Variants in PHACTR1 observed in about 807,000 individuals in gnomAD.
The protein encoded by PHACTR1 is RPEL repeat containing 1.
In PHACTR1, 16 loss-of-function variants were observed where a neutral mutation model predicts 69.2. The observed-to-expected ratio is 0.23, with a 90% CI of 0.16 to 0.35. The LOEUF (loss-of-function observed/expected upper bound fraction) is 0.35. PHACTR1 is among the 10% of genes least tolerant of loss of function. The pLI, the probability that PHACTR1 is intolerant of heterozygous loss-of-function variation, is 1.00. For synonymous variants in PHACTR1, 312 were observed against 284.5 expected (o/e 1.10, Z -0.97); for missense variants, 510 against 734.7 (o/e 0.69, Z 3.54).
At chr6:12,730,969 A>G (rs964489085) in intron 3 of PHACTR1, among the ~76,000 whole-genome samples, 3 of 151,346 alleles carry the variant, frequency 2.0e-5, no homozygotes, top group Admixed American at 2.0e-4. Context: ...ATGGAATATT[A>G]TGCAGAATAT....
rs528660454 is a variant in PHACTR1 at position 13,162,936 on chromosome 6, C to A, written c.496+2652C>A. 4.9e-4 allele frequency among the ~76,000 whole-genome samples: 75 copies of A among 152,250 alleles called. 1 individual carries two copies. In the South Asian group the frequency reaches 0.015, roughly 31 times the overall value. ...TCCATCAGCACACATGGAGCTGACA[C>A]AGGACCTGCACTCAGTAAGTGGCTG... On this transcript the variant is annotated intron_variant, in intron 6 of 14. Coordinates refer to ENST00000332995, the MANE Select transcript of PHACTR1 (RefSeq NM_030948.6).
intron 5 of PHACTR1, among the ~76,000 whole-genome samples, chr6:13,078,333 T>C (rs1810862480): frequency 6.6e-6 from 1 of 152,178 alleles, no homozygotes; most frequent in African/African-American, 2.4e-5. Flanking sequence ...CAAATTTCCC[T>C]TTTTTGTAAA....
At chr6:13,087,709 G>A (rs1017860398) in intron 5 of PHACTR1, among the ~76,000 whole-genome samples, 2 of 151,372 alleles carry the variant, frequency 1.3e-5, no homozygotes, top group Admixed American at 1.3e-4. Flanking sequence ...GCAGTGGTGT[G>A]ATCACAGCTC....
intron 5 of PHACTR1, among the ~76,000 whole-genome samples, chr6:13,082,979 T>C (rs1191763575): frequency 6.6e-6 from 1 of 152,238 alleles, no homozygotes; most frequent in Admixed American, 6.5e-5. Context: ...TTGGCTTTTG[T>C]TGCCATTGCT....
chr6:12,937,172 CTG>C, intron 4 of PHACTR1, among the ~76,000 whole-genome samples: 1 of 152,278 alleles, frequency 6.6e-6, no homozygotes, highest in Admixed American at 6.5e-5. Context: ...AGCCACCTTT[CTG>C]TGTTAGGCTA....
chr6:12,933,225 G>A (rs1789061877), intron 4 of PHACTR1, among the ~76,000 whole-genome samples: 1 of 152,112 alleles, frequency 6.6e-6, no homozygotes, highest in East Asian at 1.9e-4. Flanking sequence ...TTACAGGCAT[G>A]AGCCACTACA....
chr6:12,722,566 A>C (rs1334979110), intron 3 of PHACTR1, among the ~76,000 whole-genome samples: 2 of 152,234 alleles, frequency 1.3e-5, no homozygotes, highest in East Asian at 3.8e-4. Flanking sequence ...GAGAAGAAAA[A>C]GAAGGAAAAA....
intron 10 of PHACTR1, chr6:13,267,380 C>T (rs1776890544): frequency 6.6e-6 from 1 of 152,226 alleles, no homozygotes; most frequent in Non-Finnish European, 1.5e-5. Context: ...GAGGGGAGGA[C>T]TCCAGGGAAT....
At chr6:13,117,979 A>G (rs897359382) in intron 5 of PHACTR1, among the ~76,000 whole-genome samples, 10 of 152,256 alleles carry the variant, frequency 6.6e-5, no homozygotes, top group African/African-American at 2.4e-4. Context: ...TTCACGTTGC[A>G]CACAGAATCT....
chr6:12,757,215 T>C (rs1437778172), intron 4 of PHACTR1, among the ~76,000 whole-genome samples: 1 of 151,952 alleles, frequency 6.6e-6, no homozygotes, highest in East Asian at 1.9e-4. Flanking sequence ...ACAATGCCCA[T>C]ATGGGGTGGG....
rs201376090 is a variant in PHACTR1 at position 12,944,783 on chromosome 6, A to ATTTTTTTT, written c.251-108579_251-108578insTTTTTTTT. On this transcript the variant is annotated intron_variant, in intron 4 of 14. Transcript: ENST00000332995. The stretch of plus-strand genomic sequence containing the variant: ...TTTATTTATTTATTTATTTATTTTT[A>ATTTTTTTT]TTTATTTTTTTTTTTTTGAGACGGA... Among the ~76,000 whole-genome samples, 12 of 119,374 alleles carry ATTTTTTTT rather than the reference A, an allele frequency of 1.0e-4. 1 individual carries two copies. Among genetic ancestry groups the ATTTTTTTT allele is most frequent in the African/African-American group, 3.7e-4 (11 of 29,518 alleles). 78.3% of individuals were successfully genotyped at this position (119,374 alleles called of 152,430 possible).
At chr6:13,022,006 G>A (rs1238756616) in intron 4 of PHACTR1, among the ~76,000 whole-genome samples, 3 of 152,214 alleles carry the variant, frequency 2.0e-5, no homozygotes, top group African/African-American at 7.2e-5. Context: ...CAGCTGAGCT[G>A]TCTGTCCGGT....
rs148164384 is a variant in PHACTR1 at position 12,833,617 on chromosome 6, G to A, written c.250+83827G>A. ...TACTTCTGTCCATGTTCATCACCAC[G>A]TTCATTGTATTTGAAAACATCACCT... On this transcript the variant is annotated intron_variant, in intron 4 of 14. Coordinates refer to ENST00000332995, the MANE Select transcript of PHACTR1 (RefSeq NM_030948.6). 1.8e-3 allele frequency among the ~76,000 whole-genome samples: 267 copies of A among 152,182 alleles called. 1 individual carries two copies. Among genetic ancestry groups the A allele is most frequent in the Middle Eastern group, 3.4e-3 (1 of 294 alleles).
At chr6:12,855,120 G>A (rs1780218614) in intron 4 of PHACTR1, among the ~76,000 whole-genome samples, 1 of 152,166 alleles carries the variant, frequency 6.6e-6, no homozygotes, top group Non-Finnish European at 1.5e-5. Flanking sequence ...CAATAGTAAA[G>A]ACATGTAATC....
chr6:13,057,915 T>C (rs147372024), intron 5 of PHACTR1, among the ~76,000 whole-genome samples: 204 of 152,266 alleles, frequency 1.3e-3, no homozygotes, highest in African/African-American at 4.8e-3. Flanking sequence ...GAAAGCACTA[T>C]TGAGACACGG....
intron 4 of PHACTR1, among the ~76,000 whole-genome samples, chr6:12,916,915 T>C (rs1356602098): frequency 6.6e-6 from 1 of 152,126 alleles, no homozygotes; most frequent in Non-Finnish European, 1.5e-5. Flanking sequence ...GTCAAAGTGA[T>C]GAATGACTAA....
intron 5 of PHACTR1, among the ~76,000 whole-genome samples, chr6:13,133,719 C>T (rs9974905): frequency 6.6e-6 from 1 of 152,066 alleles, no homozygotes. Context: ...GCTGCCACCC[C>T]GTCTGGGAAG....
intron 4 of PHACTR1, among the ~76,000 whole-genome samples, chr6:12,832,426 C>T (rs1403041614): frequency 6.6e-6 from 1 of 151,252 alleles, no homozygotes; most frequent in Non-Finnish European, 1.5e-5. Flanking sequence ...AAATAAAAAA[C>T]AAAAAATAAG....
At chr6:12,734,835 G>A (rs1764024714) in intron 3 of PHACTR1, among the ~76,000 whole-genome samples, 1 of 152,126 alleles carries the variant, frequency 6.6e-6, no homozygotes, top group African/African-American at 2.4e-5. Flanking sequence ...TTTGTTTTCT[G>A]TCTTAAAATT....
Sources: gnomAD v4.1 joint callset for allele counts (sites outside exome capture counted in the v4.1 genomes callset) on GRCh38, gnomAD v4.1.1 for gene constraint, MANE v1.5 for transcripts, NCBI Gene and HGNC (gene_info 2026-07-23, HGNC 2026-07-21) for gene names.